BBOF1: variants seen among roughly 807,000 people sequenced by gnomAD.
BBOF1 encodes the protein basal body-orientation factor 1.
Under a neutral mutation model 68.0 loss-of-function variants are expected in BBOF1, and 62 were observed. The ratio of observed to expected loss-of-function variants is 0.91; its 90% confidence interval spans 0.74 to 1.13. The LOEUF is 1.13. BBOF1 is among the 50% of genes most tolerant of loss of function. The probability of loss-of-function intolerance (pLI) is 0.00; values close to 1 mark genes in which losing one functional copy is unlikely to be tolerated. For synonymous variants in BBOF1, 208 were observed against 198.8 expected (o/e 1.05, Z -0.39); for missense variants, 534 against 600.1 (o/e 0.89, Z 1.15).
chr14:74,069,315 G>T (rs563750744), downstream of BBOF1: 3 of 338,284 alleles, frequency 8.9e-6, no homozygotes, highest in Non-Finnish European at 1.7e-5. Flanking sequence ...TCTTGGCCAG[G>T]CTGGTCTTGA....
chr14:74,025,750 A>G (rs965051008), intron 2 of BBOF1, among the ~76,000 whole-genome samples: 9 of 152,304 alleles, frequency 5.9e-5, no homozygotes, highest in Non-Finnish European at 1.3e-4. Context: ...TCTTTAGTTT[A>G]AAAAGCTACT....
At chr14:74,078,341 C>A in exon 10 of BBOF1, 1 of 438,420 alleles carries the variant, frequency 2.3e-6, no homozygotes, top group East Asian at 7.1e-5. Flanking sequence ...TATATGTGGA[C>A]TGGATGAAGA....
In BBOF1 at chr14:74,040,564, G is replaced by A; in HGVS notation, c.496-1G>A. 6.4e-7 allele frequency: 1 copy of A among 1,559,898 alleles called. No homozygotes were observed. Among genetic ancestry groups the A allele is most frequent in the Non-Finnish European group, 8.6e-7 (1 of 1,156,170 alleles). The stretch of plus-strand genomic sequence containing the variant: ...TTGTTTGTTTGTTATTTTAATTTTA[G>A]CTGAAAGAGAATTTAAGAAACACAG... On this transcript the variant is annotated splice_acceptor_variant, in intron 4 of 11. Transcript: ENST00000394009. LOFTEE classifies it high-confidence loss of function.
At chr14:74,032,640 C>T (rs921889209) in intron 3 of BBOF1, among the ~76,000 whole-genome samples, 2 of 151,406 alleles carry the variant, frequency 1.3e-5, no homozygotes, top group East Asian at 1.9e-4. Flanking sequence ...ATTACAGGTG[C>T]GTGCCACCAT....
At chr14:74,054,530 C>G (rs767866012) in intron 8 of BBOF1, among the ~76,000 whole-genome samples, 25 of 151,662 alleles carry the variant, frequency 1.6e-4, no homozygotes, top group Non-Finnish European at 2.6e-4. Flanking sequence ...AGGTGCCCAC[C>G]ACCATGCCCA....
rs111975186 is a variant in BBOF1, at chr14:74,072,357, T to C, written n.1380-5839T>C. ...CTGAGGGACCCGACCAATGACCTCA[T>C]TGGTGGCCTGATGAGAAAAATAAGC... is the stretch of plus-strand genomic sequence containing the variant. On this transcript the variant is annotated intron_variant and non_coding_transcript_variant, in intron 9 of 12. Transcript: ENST00000492026. 1.3e-3 allele frequency: 2,146 copies of C among 1,614,202 alleles called. 3 individuals carry two copies. The highest frequency in any genetic ancestry group is 1.7e-3 in the Non-Finnish European group (1,974 of 1,180,026).
intron 8 of BBOF1, 104 bp downstream of exon 8, chr14:74,050,299 AGAT>A: frequency 2.3e-6 from 3 of 1,308,074 alleles, no homozygotes; most frequent in Non-Finnish European, 3.1e-6. Flanking sequence ...AGTATTGAAT[AGAT>A]TTCTCAGTAG....
At chr14:74,060,289 C>T (rs778901315) in intron 11 of BBOF1, 51 of 260,528 alleles carry the variant, frequency 2.0e-4, no homozygotes, top group Non-Finnish European at 3.2e-4. Flanking sequence ...CGTGAGCCAC[C>T]GCGCCTGGCT....
chr14:74,076,232 A>G (rs2060611450), intron 9 of BBOF1, among the ~76,000 whole-genome samples: 1 of 152,242 alleles, frequency 6.6e-6, no homozygotes, highest in African/African-American at 2.4e-5. Context: ...TTGAAATGCC[A>G]TAGGTACATT....
intron 5 of BBOF1, among the ~76,000 whole-genome samples, chr14:74,043,191 C>T (rs1220123119): frequency 6.6e-6 from 1 of 152,050 alleles, no homozygotes; most frequent in Non-Finnish European, 1.5e-5. Context: ...GTTTGATTTT[C>T]CCATTTATTT....
chr14:74,080,044 AC>A (rs1169576684), intron 10 of BBOF1, among the ~76,000 whole-genome samples: 13 of 152,086 alleles, frequency 8.5e-5, no homozygotes, highest in Non-Finnish European at 1.6e-4. Context: ...TCTTAAAAAA[AC>A]AAAAACCAAA....
At chr14:74,082,138 G>A (rs998178485) in intron 12 of BBOF1, among the ~76,000 whole-genome samples, 2 of 152,160 alleles carry the variant, frequency 1.3e-5, no homozygotes, top group East Asian at 1.9e-4. Flanking sequence ...GTGGGAGGTC[G>A]AGGCTGCTGT....
intron 11 of BBOF1, among the ~76,000 whole-genome samples, chr14:74,061,314 TA>T: frequency 6.6e-6 from 1 of 151,178 alleles, no homozygotes; most frequent in Non-Finnish European, 1.5e-5. Flanking sequence ...TTTATTTATT[TA>T]TTTTGAGACA....
At chr14:74,066,429 A>G (rs2060466305), downstream of BBOF1, among the ~76,000 whole-genome samples, 1 of 152,158 alleles carries the variant, frequency 6.6e-6, no homozygotes, top group African/African-American at 2.4e-5. Flanking sequence ...TCACACTACA[A>G]TGTCAGAGTT....
intron 3 of BBOF1, 37 bp from the exon 4 acceptor site, chr14:74,033,991 C>T (rs1449689683): frequency 1.3e-6 from 2 of 1,549,406 alleles, no homozygotes. Flanking sequence ...GACTTCTGTT[C>T]TTTTTCCTAA....
Position 74,049,768 on chromosome 14 carries a change from AC to A in BBOF1, c.862del (p.Leu288PhefsTer5). On this transcript the variant is annotated frameshift_variant, in exon 8 of 12. Transcript: ENST00000394009. LOFTEE classifies it high-confidence loss of function. Reference sequence around the variant, plus strand: ...TGTCCAGCAGAGATCACAAATCCAAACCCTTCAGAAGAAGGTAGTAAACTTG... The same window carrying A: ...TGTCCAGCAGAGATCACAAATCCAAACCTTCAGAAGAAGGTAGTAAACTTG... ...QLVQQRSQIQ[T>X]LQKKVVNLET... is the part of the protein sequence containing the mutation. 2 of 1,614,128 alleles carry A rather than the reference AC, an allele frequency of 1.2e-6. No individual in the cohort carries two copies. Among genetic ancestry groups the A allele is most frequent in the Non-Finnish European group, 1.7e-6 (2 of 1,180,000 alleles).
chr14:74,056,742 T>G lies in BBOF1; in HGVS notation c.1389-164T>G, dbSNP rs866983216. ...TTCTCTATGATGTGATTATTTCACA[T>G]TGCATGCCTGTATCAAAACATCTCA... On this transcript the variant is annotated intron_variant, in intron 9 of 11. Transcript: ENST00000394009. 92 of 597,400 alleles carry G rather than the reference T, an allele frequency of 1.5e-4. No homozygotes were observed. In the African/African-American group the frequency reaches 1.6e-3, roughly 10 times the overall value. 37.0% of individuals were successfully genotyped at this position (597,400 alleles called of 1,614,324 possible).
chr14:74,068,880 TG>T, downstream of BBOF1: 1 of 1,614,090 alleles, frequency 6.2e-7, no homozygotes, highest in Non-Finnish European at 8.5e-7. Context: ...TGAACCCTCT[TG>T]CCATGTCTTG....
chr14:74,046,101 A>G lies in BBOF1; in HGVS notation c.618A>G (p.Leu206=). 1 of 1,608,776 alleles carries G rather than the reference A, an allele frequency of 6.2e-7. No individual in the cohort carries two copies. Among genetic ancestry groups the G allele is most frequent in the Non-Finnish European group, 8.5e-7 (1 of 1,177,574 alleles). The change falls in exon 6 of 12, where the codon CTA becomes CTG. Residue 206 remains leucine (L), a synonymous_variant. Transcript: ENST00000394009. ...EQEAEKKIIM[L]AERAHHEAIV... ...AGGCTGAAAAGAAGATAATAATGCT[A>G]GCAGAGAGAGCCCACCATGAGGCTA...
Sources: allele counts gnomAD v4.1 joint callset (sites outside exome capture counted in the v4.1 genomes callset), GRCh38; gene constraint gnomAD v4.1.1; transcripts MANE v1.5; gene names NCBI Gene and HGNC (gene_info 2026-07-23, HGNC 2026-07-21).